DCLK1: variants seen among roughly 807,000 people sequenced by gnomAD.
DCLK1 encodes doublecortin like kinase 1, also known as serine/threonine-protein kinase DCLK1.
In DCLK1, 16 loss-of-function variants were observed where a neutral mutation model predicts 86.2. The observed-to-expected ratio is 0.19, with a 90% confidence interval of 0.13 to 0.28. DCLK1 has a LOEUF of 0.28. DCLK1 is among the 10% of genes least tolerant of loss of function. The pLI is 1.00. For synonymous variants in DCLK1, 369 were observed against 370.5 expected (o/e 1.00, Z 0.05); for missense variants, 590 against 940.2 (o/e 0.63, Z 4.87).
chr13:35,841,803 C>T (rs185748479), intron 6 of DCLK1, among the ~76,000 whole-genome samples: 14 of 151,900 alleles, frequency 9.2e-5, no homozygotes, highest in Admixed American at 9.2e-4. Flanking sequence ...TCTTTTTTCC[C>T]AAAGAAGTAA....
intron 10 of DCLK1, among the ~76,000 whole-genome samples, chr13:35,827,132 C>T (rs373540502): frequency 3.9e-5 from 6 of 152,134 alleles, no homozygotes; most frequent in Admixed American, 6.5e-5. Context: ...GATGAGATTA[C>T]GACATTCACT....
At chr13:35,977,149 A>G (rs1222972893) in intron 3 of DCLK1, among the ~76,000 whole-genome samples, 1 of 152,254 alleles carries the variant, frequency 6.6e-6, no homozygotes, top group Non-Finnish European at 1.5e-5. Flanking sequence ...AGAGAGAGAA[A>G]GATAAATTCA....
At chr13:36,023,101 T>C (rs1409229934) in intron 3 of DCLK1, among the ~76,000 whole-genome samples, 1 of 152,166 alleles carries the variant, frequency 6.6e-6, no homozygotes, top group Non-Finnish European at 1.5e-5. Flanking sequence ...AATATCTGTA[T>C]TAGTCAGGGT....
At chr13:35,984,151 G>A (rs1226397740) in intron 3 of DCLK1, among the ~76,000 whole-genome samples, 2 of 152,188 alleles carry the variant, frequency 1.3e-5, no homozygotes, top group African/African-American at 4.8e-5. Context: ...AGCCTAAAAG[G>A]ATAACCCCAG....
chr13:35,909,073 T>A (rs1443783511), intron 4 of DCLK1, among the ~76,000 whole-genome samples: 1 of 152,194 alleles, frequency 6.6e-6, no homozygotes, highest in Non-Finnish European at 1.5e-5. Flanking sequence ...AGGCTCCTAA[T>A]TAGATCTGAG....
intron 3 of DCLK1, among the ~76,000 whole-genome samples, chr13:35,983,865 A>T (rs1399880679): frequency 6.6e-6 from 1 of 152,136 alleles, no homozygotes; most frequent in Non-Finnish European, 1.5e-5. Flanking sequence ...TGAACAGGAG[A>T]CTGCACTGAA....
At chr13:36,007,977 A>T (rs958732132) in intron 3 of DCLK1, among the ~76,000 whole-genome samples, 1 of 152,008 alleles carries the variant, frequency 6.6e-6, no homozygotes, top group Non-Finnish European at 1.5e-5. Context: ...AATCCTAAGG[A>T]GTAATTAATA....
At chr13:35,993,114 T>TACGCAC (rs1880310610) in intron 3 of DCLK1, among the ~76,000 whole-genome samples, 1 of 152,204 alleles carries the variant, frequency 6.6e-6, no homozygotes, top group Non-Finnish European at 1.5e-5. Flanking sequence ...CTCAGCCTCC[T>TACGCAC]ACGCACTGTC....
intron 4 of DCLK1, among the ~76,000 whole-genome samples, chr13:35,874,731 C>T (rs1242752144): frequency 6.6e-6 from 1 of 152,182 alleles, no homozygotes. Context: ...AGGACCGTTC[C>T]CATGGGACAA....
intron 4 of DCLK1, among the ~76,000 whole-genome samples, chr13:35,916,092 A>G (rs1302362207): frequency 1.3e-5 from 2 of 152,332 alleles, no homozygotes; most frequent in Non-Finnish European, 2.9e-5. Context: ...ACCTTCTGCA[A>G]AAAGGATCTT....
chr13:35,958,147 C>CCACCACTATAACCACCACCACCAT (rs1878181117), intron 3 of DCLK1, among the ~76,000 whole-genome samples: 1 of 150,658 alleles, frequency 6.6e-6, no homozygotes, highest in African/African-American at 2.5e-5. Context: ...ACCACCACCA[C>CCACCACTATAACCACCACCACCAT]CACCACTATA....
At chr13:35,844,155 C>A (rs1241692213) in intron 6 of DCLK1, among the ~76,000 whole-genome samples, 1 of 152,080 alleles carries the variant, frequency 6.6e-6, no homozygotes, top group Non-Finnish European at 1.5e-5. Flanking sequence ...GTACATTCAG[C>A]CTAAATAAAG....
At chr13:35,847,478 A>G (rs1215235558) in intron 6 of DCLK1, 3 of 984,984 alleles carry the variant, frequency 3.0e-6, no homozygotes, top group Non-Finnish European at 3.6e-6. Flanking sequence ...AAACACCCAA[A>G]CACCTGTATA....
chr13:35,776,516 A>G (rs765632697), intron 16 of DCLK1, among the ~76,000 whole-genome samples: 11 of 152,208 alleles, frequency 7.2e-5, no homozygotes, highest in South Asian at 2.1e-4. Flanking sequence ...GTTTGTGGTC[A>G]GGGATTTTGC....
intron 3 of DCLK1, among the ~76,000 whole-genome samples, chr13:35,989,839 A>G (rs1430000481): frequency 1.3e-5 from 2 of 151,798 alleles, no homozygotes; most frequent in African/African-American, 4.8e-5. Flanking sequence ...GGCATAAGCC[A>G]CCACATCCAG....
chr13:36,059,142 A>G (rs1883446349), intron 3 of DCLK1, among the ~76,000 whole-genome samples: 2 of 152,178 alleles, frequency 1.3e-5, no homozygotes, highest in Non-Finnish European at 2.9e-5. Context: ...TGCTCCATCC[A>G]TCATAGTGCT....
chr13:35,801,394 T>C (rs7139922), intron 15 of DCLK1, among the ~76,000 whole-genome samples: 24,516 of 152,234 alleles, frequency 0.16, 3,005 homozygotes, highest in African/African-American at 0.34. Flanking sequence ...AGTTACTTCA[T>C]AAAGATAATT....
intron 15 of DCLK1, among the ~76,000 whole-genome samples, chr13:35,803,789 C>A (rs143706927): frequency 6.6e-6 from 1 of 152,166 alleles, no homozygotes; most frequent in Admixed American, 6.5e-5. Flanking sequence ...ATTTTGTGGC[C>A]TTCAATGTAC....
At chr13:36,083,250 T>C (rs762893243) in intron 3 of DCLK1, among the ~76,000 whole-genome samples, 1 of 152,236 alleles carries the variant, frequency 6.6e-6, no homozygotes, top group Non-Finnish European at 1.5e-5. Flanking sequence ...TTGCCTCTGA[T>C]CACAGCCTTT....
Sources: gnomAD v4.1 joint callset for allele counts (sites outside exome capture counted in the v4.1 genomes callset) on GRCh38, gnomAD v4.1.1 for gene constraint, MANE v1.5 for transcripts, NCBI Gene and HGNC (gene_info 2026-07-23, HGNC 2026-07-21) for gene names.